CEP164: variants seen among roughly 807,000 people sequenced by gnomAD.
CEP164 encodes the protein centrosomal protein of 164 kDa.
Under a neutral mutation model 182.7 loss-of-function variants are expected in CEP164, and 162 were observed. That is an observed-to-expected ratio of 0.89 (90% confidence interval 0.78 to 1.01). The LOEUF is 1.01. Among genes scored for constraint, CEP164 ranks in the 50% least tolerant of loss-of-function variants. The pLI is 0.00. For missense variants in CEP164, 1,735 were observed against 1,790.4 expected, an observed-to-expected ratio of 0.97 and a Z score of 0.56; for synonymous variants, 661 against 690.0, an observed-to-expected ratio of 0.96 and a Z score of 0.66.
At chr11:117,333,614 G>A (rs573321405) in intron 1 of CEP164, among the ~76,000 whole-genome samples, 6 of 152,164 alleles carry the variant, frequency 3.9e-5, no homozygotes, top group Non-Finnish European at 7.4e-5. Context: ...CTGCAGCCTT[G>A]ACCACCTGGG....
chr11:117,325,717 G>T (rs199592668), upstream of CEP164, among the ~76,000 whole-genome samples: 5 of 152,198 alleles, frequency 3.3e-5, no homozygotes, highest in East Asian at 7.8e-4. Context: ...GAGGAAAGGG[G>T]ACGATGATTT....
At chr11:117,362,045 T>A (rs1269139571) in intron 6 of CEP164, 52 bp downstream of exon 6, 1 of 1,484,950 alleles carries the variant, frequency 6.7e-7, no homozygotes, top group Non-Finnish European at 9.1e-7. Context: ...GGGCCTCCCG[T>A]GTGCCATACC....
At chr11:117,393,187 GCA>G (rs375279510) in intron 20 of CEP164, 61 bp downstream of exon 20, 9 of 1,574,016 alleles carry the variant, frequency 5.7e-6, no homozygotes, top group East Asian at 2.3e-5. Context: ...GCACGCACAT[GCA>G]CACACACATG....
At chr11:117,364,180 C>G (rs2041357814) in intron 8 of CEP164, 1 of 152,102 alleles carries the variant, frequency 6.6e-6, no homozygotes, top group African/African-American at 2.4e-5. Flanking sequence ...TTTATACAAC[C>G]AATGAATCAT....
At chr11:117,381,561 C>T (rs2043316644) in intron 12 of CEP164, 140 bp from the exon 13 acceptor site, 1 of 1,035,688 alleles carries the variant, frequency 9.7e-7, no homozygotes, top group Non-Finnish European at 1.4e-6. Flanking sequence ...CTATGGCTCT[C>T]CATGGATGGA....
rs566864848 is a variant in CEP164, at chr11:117,332,293, G to A, written c.-97-3312G>A. On this transcript the variant is annotated intron_variant, in intron 1 of 32. Transcript: ENST00000278935. The stretch of plus-strand genomic sequence containing the variant: ...ACATTTTCATAAAAAAAGTAATATT[G>A]GCCAGGCACGGTGGCTCACGCCTGT... Among the ~76,000 whole-genome samples the A allele has an allele frequency of 2.0e-5, 3 of 152,190 alleles. No homozygotes were observed. In the South Asian group the frequency reaches 6.2e-4, roughly 32 times the overall value.
chr11:117,350,788 C>CT (rs948038691), intron 4 of CEP164, among the ~76,000 whole-genome samples: 10 of 150,074 alleles, frequency 6.7e-5, no homozygotes, highest in Non-Finnish European at 8.9e-5. Flanking sequence ...TTTTCTTTTT[C>CT]TTTTTTTTTC....
At chr11:117,410,741 A>G in intron 30 of CEP164, 87 bp from the exon 31 acceptor site, 1 of 1,071,160 alleles carries the variant, frequency 9.3e-7, no homozygotes, top group East Asian at 2.6e-5. Context: ...TTTTCCTTTT[A>G]TTGTTTATTC....
chr11:117,395,792 G>A (rs2045356833), intron 24 of CEP164, 70 bp downstream of exon 24: 1 of 1,518,002 alleles, frequency 6.6e-7, no homozygotes, highest in South Asian at 1.3e-5. Flanking sequence ...TGCTGCTTGT[G>A]TCATGGCCCA....
At chr11:117,325,010 G>T (rs535455064), upstream of CEP164, among the ~76,000 whole-genome samples, 1 of 152,286 alleles carries the variant, frequency 6.6e-6, no homozygotes, top group East Asian at 1.9e-4. Flanking sequence ...CAGGTTTGTG[G>T]TAGATGAGCT....
In CEP164 at chr11:117,409,382, T is replaced by TG; in HGVS notation, c.3749-233dup. The stretch of plus-strand genomic sequence containing the variant: ...CTCCCCTTCCTTCTCTCTGGGGTCC[T>TG]GGGCCCTTCACCCAGCACCTTGCCC... On this transcript the variant is annotated intron_variant, in intron 29 of 32. Transcript: ENST00000278935. The surrounding 1 kb of genome is among the most constrained non-coding windows in gnomAD (Gnocchi z 4.4). The TG allele has an allele frequency of 1.7e-6, 1 of 584,570 alleles. No homozygotes were observed. Among genetic ancestry groups the TG allele is most frequent in the Non-Finnish European group, 3.0e-6 (1 of 331,012 alleles). 36.2% of individuals were successfully genotyped at this position (584,570 alleles called of 1,614,324 possible).
intron 4 of CEP164, among the ~76,000 whole-genome samples, chr11:117,346,602 AC>A (rs1565439828): frequency 6.6e-6 from 1 of 150,746 alleles, no homozygotes; most frequent in African/African-American, 2.4e-5. Context: ...GGTGGCTCAC[AC>A]CTGTAATCCC....
In CEP164 at chr11:117,371,474, A is replaced by C; in HGVS notation, c.1152+8A>C. On this transcript the variant is annotated splice_region_variant and intron_variant, in intron 9 of 32. Transcript: ENST00000278935. ...AGTTCAGACGCCAGCCAAGTAAGTC[A>C]CTGTATCCCATAGGCAGGGGTTGGC... 6.2e-7 allele frequency: 1 copy of C among 1,601,338 alleles called. No homozygotes were observed. Among genetic ancestry groups the C allele is most frequent in the Non-Finnish European group, 8.5e-7 (1 of 1,174,350 alleles).
chr11:117,406,835 C>T (rs2046739728), intron 27 of CEP164, among the ~76,000 whole-genome samples: 1 of 152,170 alleles, frequency 6.6e-6, no homozygotes. Flanking sequence ...GTGGTTCATG[C>T]CTGTAATGCC....
At chr11:117,379,852 CTTTTTTTTT>C (rs58534321) in intron 11 of CEP164, among the ~76,000 whole-genome samples, 6 of 116,914 alleles carry the variant, frequency 5.1e-5, no homozygotes, top group Admixed American at 9.2e-5. Flanking sequence ...ATAGTTCTTC[CTTTTTTTTT>C]TTTTTTTTTT....
intron 1 of CEP164, among the ~76,000 whole-genome samples, chr11:117,329,839 CTTTTTTT>C (rs61429989): frequency 9.4e-5 from 9 of 95,564 alleles, no homozygotes; most frequent in East Asian, 3.7e-4. Context: ...TGCGCCTGGC[CTTTTTTT>C]TTTTTTTTTT....
intron 1 of CEP164, among the ~76,000 whole-genome samples, chr11:117,330,326 C>A (rs1206684120): frequency 6.6e-6 from 1 of 152,174 alleles, no homozygotes; most frequent in Non-Finnish European, 1.5e-5. Flanking sequence ...GTAGCCCTAA[C>A]ACGTCGCACA....
At chr11:117,364,316 C>G (rs1187469023) in intron 8 of CEP164, among the ~76,000 whole-genome samples, 1 of 152,202 alleles carries the variant, frequency 6.6e-6, no homozygotes. Flanking sequence ...TCAAACAAGT[C>G]ACTCACACTT....
intron 4 of CEP164, among the ~76,000 whole-genome samples, chr11:117,346,353 C>T (rs1051866421): frequency 4.6e-5 from 7 of 151,872 alleles, no homozygotes; most frequent in African/African-American, 9.7e-5. Context: ...ACTGCAACCT[C>T]GGCTCACTGC....
Sources: allele counts gnomAD v4.1 joint callset (sites outside exome capture counted in the v4.1 genomes callset), GRCh38; gene constraint gnomAD v4.1.1; non-coding constraint Gnocchi (gnomAD v3.1); transcripts MANE v1.5; gene names NCBI Gene and HGNC (gene_info 2026-07-23, HGNC 2026-07-21).